RUSC2: variants seen among roughly 807,000 people sequenced by gnomAD.
RUSC2 encodes RUN and SH3 domain containing 2.
Under a neutral mutation model 122.2 loss-of-function variants are expected in RUSC2, and 34 were observed. The observed-to-expected ratio is 0.28, with a 90% CI of 0.21 to 0.37. The LOEUF is 0.37. Ranked by LOEUF, RUSC2 falls within the 10% of genes least tolerant of loss-of-function variation. The probability of loss-of-function intolerance (pLI) is 1.00; values close to 1 mark genes in which losing one functional copy is unlikely to be tolerated. For missense variants in RUSC2, 1,747 were observed against 1,952.4 expected (o/e 0.89, Z 1.98); for synonymous variants, 784 against 790.0 (o/e 0.99, Z 0.13).
At position 35,503,542 on chromosome 9, in the gene RUSC2, T is replaced by C. The variant is rs1587837067; in HGVS notation, c.-93+13370T>C. 2.6e-5 allele frequency among the ~76,000 whole-genome samples: 4 copies of C among 152,204 alleles called. No individual in the cohort carries two copies. The East Asian group carries it at 7.7e-4, about 29-fold the overall frequency. On this transcript the variant is annotated intron_variant, in intron 1 of 11. Coordinates refer to ENST00000361226, the MANE Select transcript of RUSC2 (RefSeq NM_014806.5). ...GTAGGTTGGTTCCATATTTTTGCAA[T>C]TGCCAATCGTGCTGCTATAAACGTG...
chr9:35,504,487 C>T (rs551700363), intron 1 of RUSC2, among the ~76,000 whole-genome samples: 11 of 140,544 alleles, frequency 7.8e-5, no homozygotes, highest in East Asian at 4.1e-4. Context: ...TTTTTTGAGA[C>T]GGAGTTTCGC....
chr9:35,561,194 C>T lies in RUSC2; in HGVS notation c.4363C>T (p.Leu1455=). 6.2e-7 allele frequency: 1 copy of T among 1,614,084 alleles called. No individual in the cohort carries two copies. The highest frequency in any genetic ancestry group is 8.5e-7 in the Non-Finnish European group (1 of 1,180,002). Residue 1455 remains leucine, a synonymous_variant, in exon 12 of 12, where the codon CTG becomes TTG. Transcript: ENST00000361226. The part of the protein sequence containing the change: ...PSSPPCEVQA[L]CHHLATGPGQ... ...CTGTTTCCCCAGTGAGGTGCAGGCA[C>T]TGTGCCACCACCTGGCCACCGGCCC...
rs771875304 is a variant in RUSC2 at position 35,556,011 on chromosome 9, G to A, written c.2716G>A (p.Gly906Arg). The change falls in exon 4 of 12, where the codon GGG becomes AGG. Residue 906 changes from glycine (G) to arginine (R), a missense_variant. Coordinates refer to ENST00000361226, the MANE Select transcript of RUSC2 (RefSeq NM_014806.5). ...WREYRRKNPLGPPGLSGSLDR... is the reference protein window; with the variant it reads ...WREYRRKNPLRPPGLSGSLDR... ...GGAATACAGGAGGAAGAACCCACTAGGGCCACCTGGTTTGTCAGGGAGCCT... is the reference window on the plus strand; with the variant it reads ...GGAATACAGGAGGAAGAACCCACTAAGGCCACCTGGTTTGTCAGGGAGCCT... 4 of 1,614,222 alleles carry A rather than the reference G, an allele frequency of 2.5e-6. No individual in the cohort carries two copies. In the South Asian group the frequency reaches 4.4e-5, roughly 18 times the overall value.
chr9:35,538,048 G>A (rs949610600), intron 1 of RUSC2, among the ~76,000 whole-genome samples: 1 of 152,164 alleles, frequency 6.6e-6, no homozygotes, highest in Non-Finnish European at 1.5e-5. Context: ...TGTGGCCTAG[G>A]AGAGACCACT....
At chr9:35,524,908 T>C (rs930939401) in intron 1 of RUSC2, among the ~76,000 whole-genome samples, 1 of 151,800 alleles carries the variant, frequency 6.6e-6, no homozygotes. Flanking sequence ...GAGGTGGAGC[T>C]TGCAGTAAGC....
At chr9:35,495,265 T>A (rs372690002) in intron 1 of RUSC2, among the ~76,000 whole-genome samples, 5 of 118,688 alleles carry the variant, frequency 4.2e-5, no homozygotes, top group Admixed American at 1.1e-4. Flanking sequence ...TAAAATATAT[T>A]TTTTATATAT....
intron 1 of RUSC2, among the ~76,000 whole-genome samples, chr9:35,535,559 C>T (rs568309368): frequency 1.2e-3 from 155 of 124,142 alleles, no homozygotes; most frequent in African/African-American, 4.4e-3. Context: ...TTTTTTGAGA[C>T]GGAGTCTCTT....
At position 35,556,117 on chromosome 9, in the gene RUSC2, A is replaced by C; in HGVS notation, c.2822A>C (p.His941Pro). The change falls in exon 4 of 12, where the codon CAT becomes CCT. Residue 941 changes from histidine to proline, a missense_variant. Physicochemically the swap from His to Pro is moderately conservative, Grantham distance 77. Transcript: ENST00000361226. Reference sequence around the variant, plus strand: ...CCTGGCTCCCTCAGTGCTGCCAGCCATCTGAACTGCCGGCTGAATGGTGTG... The same window carrying C: ...CCTGGCTCCCTCAGTGCTGCCAGCCCTCTGAACTGCCGGCTGAATGGTGTG... Reference protein sequence around the residue: ...EFPGSLSAASHLNCRLNGQAV... With the variant: ...EFPGSLSAASPLNCRLNGQAV... The C allele has an allele frequency of 6.2e-7, 1 of 1,614,160 alleles. No individual in the cohort carries two copies. The highest frequency in any genetic ancestry group is 2.2e-5 in the East Asian group (1 of 44,868).
intron 1 of RUSC2, among the ~76,000 whole-genome samples, chr9:35,494,611 A>G (rs556409242): frequency 6.6e-6 from 1 of 152,010 alleles, no homozygotes; most frequent in Non-Finnish European, 1.5e-5. Context: ...AGAAATGCCT[A>G]TTCAAGTCCT....
At position 35,557,203 on chromosome 9, in the gene RUSC2, T is replaced by C. The variant is rs1822040252; in HGVS notation, c.2984-711T>C. Among the ~76,000 whole-genome samples, 2 of 152,006 alleles carry C rather than the reference T, an allele frequency of 1.3e-5. No homozygotes were observed. The highest frequency in any genetic ancestry group is 2.4e-5 in the African/African-American group (1 of 41,376). On this transcript the variant is annotated intron_variant, in intron 5 of 11. Transcript: ENST00000361226. This position sits in a 1 kb window ranked among gnomAD's most constrained non-coding sequence, Gnocchi z 4.6. ...TTAGGGAGATGGAGAGAACTGAGCATAATTGTGGGCTGAAGATGAGCCTGT... is the reference window on the plus strand; with the variant it reads ...TTAGGGAGATGGAGAGAACTGAGCACAATTGTGGGCTGAAGATGAGCCTGT...
chr9:35,545,037 T>C (rs1821717645), intron 1 of RUSC2, among the ~76,000 whole-genome samples: 1 of 152,212 alleles, frequency 6.6e-6, no homozygotes, highest in Admixed American at 6.5e-5. Flanking sequence ...GCTGCTTAAA[T>C]TTAACACAAT....
rs533021185 is a variant in RUSC2, at chr9:35,560,713, G to C, written c.4073G>C (p.Arg1358Pro). 1 of 1,552,092 alleles carries C rather than the reference G, an allele frequency of 6.4e-7. No individual in the cohort carries two copies. Among genetic ancestry groups the C allele is most frequent in the Admixed American group, 2.0e-5 (1 of 49,336 alleles). Residue 1358 changes from arginine (R) to proline (P), a missense_variant, in exon 10 of 12, where the codon CGC (arginine) becomes CCC (proline). By Grantham distance (103) the Arg-to-Pro change is moderately radical. Coordinates refer to ENST00000361226, the MANE Select transcript of RUSC2 (RefSeq NM_014806.5). ...GACTCTGTGCTGGCCGAGCTGAGGCGCAGTCGGGAGAGGGAAGGGCCCGCT... is the reference window on the plus strand; with the variant it reads ...GACTCTGTGCTGGCCGAGCTGAGGCCCAGTCGGGAGAGGGAAGGGCCCGCT... ...PPDSVLAELR[R>P]SREREGPAAS...
At chr9:35,492,955 G>A (rs891063219) in intron 1 of RUSC2, among the ~76,000 whole-genome samples, 5 of 151,758 alleles carry the variant, frequency 3.3e-5, no homozygotes, top group African/African-American at 9.7e-5. Context: ...GGTTTATTTC[G>A]GTTAGCATAA....
chr9:35,491,098 A>T (rs375876492), intron 1 of RUSC2, among the ~76,000 whole-genome samples: 1 of 84,836 alleles, frequency 1.2e-5, no homozygotes, highest in South Asian at 4.7e-4. Flanking sequence ...CACAGGCCTT[A>T]AAAAAAAAAA....
At chr9:35,523,195 G>A (rs1821248317) in intron 1 of RUSC2, among the ~76,000 whole-genome samples, 1 of 151,960 alleles carries the variant, frequency 6.6e-6, no homozygotes, top group South Asian at 2.1e-4. Flanking sequence ...CTTTTGTGAG[G>A]GTGGCTTTGT....
chr9:35,540,335 G>A (rs1257127735), intron 1 of RUSC2, among the ~76,000 whole-genome samples: 2 of 152,156 alleles, frequency 1.3e-5, no homozygotes, highest in African/African-American at 2.4e-5. Flanking sequence ...TCACTGCACT[G>A]TAGCCTAAGC....
intron 2 of RUSC2, among the ~76,000 whole-genome samples, chr9:35,553,411 A>G (rs1821941379): frequency 6.6e-6 from 1 of 152,228 alleles, no homozygotes; most frequent in Non-Finnish European, 1.5e-5. Flanking sequence ...AGCAGTGAAC[A>G]ATATAAAATC....
At chr9:35,511,161 CTGCCCTCAGCTAG>C (rs540592896) in intron 1 of RUSC2, among the ~76,000 whole-genome samples, 268 of 152,348 alleles carry the variant, frequency 1.8e-3, no homozygotes, top group African/African-American at 5.4e-3. Flanking sequence ...CTTTATAGCA[CTGCCCTCAGCTAG>C]TGCTGGACTT....
intron 1 of RUSC2, among the ~76,000 whole-genome samples, chr9:35,495,834 A>G (rs1820701912): frequency 6.6e-6 from 1 of 152,036 alleles, no homozygotes; most frequent in Admixed American, 6.6e-5. Flanking sequence ...TTTATGTCTA[A>G]TTTCTTCCAG....
Sources: allele counts gnomAD v4.1 joint callset (sites outside exome capture counted in the v4.1 genomes callset), GRCh38; gene constraint gnomAD v4.1.1; non-coding constraint Gnocchi (gnomAD v3.1); transcripts MANE v1.5; gene names NCBI Gene and HGNC (gene_info 2026-07-23, HGNC 2026-07-21).